Variants in TTLL9 observed in about 807,000 individuals in gnomAD.
The protein encoded by TTLL9 is tubulin tyrosine ligase like 9.
In TTLL9, 47 loss-of-function variants were observed where a neutral mutation model predicts 65.6. The ratio of observed to expected loss-of-function variants is 0.72; its 90% CI spans 0.57 to 0.91. TTLL9 has a LOEUF of 0.91. TTLL9 is among the 40% of genes least tolerant of loss of function. The pLI is 0.00. For synonymous variants in TTLL9, 179 were observed against 204.8 expected, an observed-to-expected ratio of 0.87 and a Z score of 1.07; for missense variants, 537 against 568.8, an observed-to-expected ratio of 0.94 and a Z score of 0.57.
chr20:31,919,240 A>G (rs113098593), intron 6 of TTLL9, among the ~76,000 whole-genome samples: 22 of 152,302 alleles, frequency 1.4e-4, no homozygotes, highest in African/African-American at 5.3e-4. Flanking sequence ...TATGCACTTC[A>G]TATATACCTT....
chr20:31,917,188 A>G (rs895558264), intron 6 of TTLL9, among the ~76,000 whole-genome samples: 6 of 152,188 alleles, frequency 3.9e-5, no homozygotes, highest in Non-Finnish European at 7.3e-5. Flanking sequence ...GGTCATAAAC[A>G]GAGCGTTCCC....
At position 31,876,916 on chromosome 20, in the gene TTLL9, T is replaced by C. The variant is rs143673787; in HGVS notation, c.69+5721T>C. ...TGACCTCATGAAAAACATTGACATATTTTATTTTTGTATAGTTGATGTATT... is the reference window on the plus strand; with the variant it reads ...TGACCTCATGAAAAACATTGACATACTTTATTTTTGTATAGTTGATGTATT... On this transcript the variant is annotated intron_variant, in intron 2 of 14. Transcript: ENST00000535842. Among the ~76,000 whole-genome samples, 232 of 152,328 alleles carry C rather than the reference T, an allele frequency of 1.5e-3. 2 individuals are homozygous for C. The highest frequency in any genetic ancestry group is 5.2e-3 in the African/African-American group (215 of 41,554).
At chr20:31,906,981 C>T (rs2063567974) in intron 4 of TTLL9, among the ~76,000 whole-genome samples, 1 of 152,138 alleles carries the variant, frequency 6.6e-6, no homozygotes. Context: ...AATGGATATA[C>T]TGTGGCGTGT....
At position 31,919,808 on chromosome 20, in the gene TTLL9, C is replaced by T. The variant is rs149043594; in HGVS notation, c.505-56C>T. The stretch of plus-strand genomic sequence containing the variant: ...TGGGGAGAGCCCCCAGCCACGGGGG[C>T]CAACAAGGAACCACGCAGAGCTAAG... On this transcript the variant is annotated intron_variant, in intron 6 of 14. Coordinates refer to ENST00000535842, the MANE Select transcript of TTLL9 (RefSeq NM_001008409.5). 735 of 1,436,134 alleles carry T rather than the reference C, an allele frequency of 5.1e-4. 6 individuals are homozygous for T. The African/African-American group carries it at 9.9e-3, about 19-fold the overall frequency. 89.0% of individuals were successfully genotyped at this position (1,436,134 alleles called of 1,614,324 possible).
chr20:31,873,631 C>T (rs2062970961), intron 2 of TTLL9, among the ~76,000 whole-genome samples: 4 of 139,900 alleles, frequency 2.9e-5, no homozygotes, highest in Non-Finnish European at 6.0e-5. Flanking sequence ...GCTTGGATGA[C>T]AGAGTGAGAC....
chr20:31,911,598 C>T (rs2063647767), intron 6 of TTLL9, among the ~76,000 whole-genome samples: 1 of 152,196 alleles, frequency 6.6e-6, no homozygotes, highest in African/African-American at 2.4e-5. Flanking sequence ...GTGAGGAAGG[C>T]CGTGGCTGGA....
intron 3 of TTLL9, among the ~76,000 whole-genome samples, chr20:31,889,427 ATT>A (rs542012541): frequency 1.7e-4 from 24 of 138,182 alleles, no homozygotes; most frequent in East Asian, 4.2e-4. Context: ...CACCTGGCTA[ATT>A]TTTTTTTTTT....
At chr20:31,881,708 T>C (rs894566329) in intron 2 of TTLL9, among the ~76,000 whole-genome samples, 2 of 151,016 alleles carry the variant, frequency 1.3e-5, no homozygotes, top group African/African-American at 4.9e-5. Context: ...TGGGCTCTAG[T>C]GATCCTCCTG....
In TTLL9 at chr20:31,909,731, A is replaced by T. The variant is rs1476517665; in HGVS notation, c.319-6A>T. On this transcript the variant is annotated splice_region_variant and splice_polypyrimidine_tract_variant and intron_variant, in intron 5 of 14. Coordinates refer to ENST00000535842, the MANE Select transcript of TTLL9 (RefSeq NM_001008409.5). Reference sequence around the variant, plus strand: ...CTAATGGCCGCCTGTCCTTCCCGCCACCCAGCTGACCCGGAAGAACTACAT... The same window carrying T: ...CTAATGGCCGCCTGTCCTTCCCGCCTCCCAGCTGACCCGGAAGAACTACAT... 3.1e-6 allele frequency: 5 copies of T among 1,612,530 alleles called. No homozygotes were observed. The highest frequency in any genetic ancestry group is 3.4e-6 in the Non-Finnish European group (4 of 1,179,284).
chr20:31,941,466 G>A (rs1433900051), intron 14 of TTLL9, among the ~76,000 whole-genome samples: 1 of 152,116 alleles, frequency 6.6e-6, no homozygotes, highest in Non-Finnish European at 1.5e-5. Flanking sequence ...ACTGACGCCT[G>A]CCAGATCAAG....
intron 2 of TTLL9, chr20:31,879,663 A>G: frequency 3.1e-6 from 2 of 645,268 alleles, no homozygotes. Flanking sequence ...AGGCTGGAAA[A>G]GAAAGGTTGA....
chr20:31,932,013 G>C (rs374713831), intron 10 of TTLL9, among the ~76,000 whole-genome samples: 3 of 152,074 alleles, frequency 2.0e-5, no homozygotes, highest in Non-Finnish European at 4.4e-5. Flanking sequence ...TCATAGTTTT[G>C]CCTCTTATAT....
intron 3 of TTLL9, among the ~76,000 whole-genome samples, chr20:31,895,969 A>AGCTG (rs1488098295): frequency 1.3e-5 from 2 of 151,972 alleles, no homozygotes; most frequent in African/African-American, 4.8e-5. Flanking sequence ...ACTCCCCAGT[A>AGCTG]GCTGGGATTA....
intron 3 of TTLL9, among the ~76,000 whole-genome samples, chr20:31,891,605 G>T (rs2063308545): frequency 6.6e-6 from 1 of 151,688 alleles, no homozygotes; most frequent in Non-Finnish European, 1.5e-5. Context: ...CTCCCAAAGT[G>T]CTGGGATTAC....
At chr20:31,873,337 C>T (rs903950690) in intron 2 of TTLL9, among the ~76,000 whole-genome samples, 1 of 152,068 alleles carries the variant, frequency 6.6e-6, no homozygotes, top group African/African-American at 2.4e-5. Flanking sequence ...CCCAAATGCC[C>T]GACCCATGGA....
intron 7 of TTLL9, 26 bp downstream of exon 7, chr20:31,919,958 C>T: frequency 6.4e-7 from 1 of 1,559,004 alleles, no homozygotes; most frequent in Non-Finnish European, 8.7e-7. Context: ...CCCCCTTCCT[C>T]CCTGAACCCT....
intron 7 of TTLL9, among the ~76,000 whole-genome samples, chr20:31,922,209 G>A: frequency 6.6e-6 from 1 of 151,224 alleles, no homozygotes; most frequent in East Asian, 1.9e-4. Flanking sequence ...AGGTTGCAGT[G>A]AGCCAAGATG....
In TTLL9 at chr20:31,887,198, C is replaced by G. The variant is rs770326686; in HGVS notation, c.72C>G (p.Asn24Lys). 3 of 1,614,104 alleles carry G rather than the reference C, an allele frequency of 1.9e-6. No homozygotes were observed. The highest frequency in any genetic ancestry group is 2.5e-6 in the Non-Finnish European group (3 of 1,179,984). The change falls in exon 3 of 15, where the codon AAC becomes AAG. Residue 24 changes from asparagine (N) to lysine (K), a missense_variant and splice_region_variant. Physicochemically the swap from Asn to Lys is moderately conservative, Grantham distance 94 (BLOSUM62 0). Around this residue, in one of 3 missense-constraint regions of TTLL9, gnomAD observed 320 missense variants for 311.0 expected, o/e 1.03. Coordinates refer to ENST00000535842, the MANE Select transcript of TTLL9 (RefSeq NM_001008409.5). ...TCCTTTTCCTTTCCTCATTGCAGAA[C>G]CAAAATTACAAGGGCCATGGATTGT... ...TAIRCPKKLQ[N>K]QNYKGHGLSK...
chr20:31,900,321 A>C (rs1001566240), intron 4 of TTLL9, among the ~76,000 whole-genome samples: 1 of 152,218 alleles, frequency 6.6e-6, no homozygotes, highest in Non-Finnish European at 1.5e-5. Context: ...CTAATGAGAA[A>C]ACTGGGCACA....
Sources: allele counts gnomAD v4.1 joint callset (sites outside exome capture counted in the v4.1 genomes callset), GRCh38; gene constraint gnomAD v4.1.1; regional missense constraint gnomAD v4.1.1; transcripts MANE v1.5; gene names NCBI Gene and HGNC (gene_info 2026-07-23, HGNC 2026-07-21).